Variants in MYH10 observed in about 807,000 individuals in gnomAD.
MYH10 encodes the protein myosin heavy chain 10, also known as myosin-10.
Under a neutral mutation model 257.8 loss-of-function variants are expected in MYH10, and 55 were observed. The ratio of observed to expected loss-of-function variants is 0.21; its 90% CI spans 0.17 to 0.27. The LOEUF (loss-of-function observed/expected upper bound fraction) is 0.27, where lower values mean the gene tolerates loss of function less well. Among genes scored for constraint, MYH10 ranks in the 10% least tolerant of loss-of-function variants. The pLI, the probability that MYH10 is intolerant of heterozygous loss-of-function variation, is 1.00. For synonymous variants in MYH10, 854 were observed against 921.7 expected (o/e 0.93, Z 1.33); for missense variants, 1,631 against 2,500.6 (o/e 0.65, Z 7.42).
intron 3 of MYH10, among the ~76,000 whole-genome samples, chr17:8,594,113 AG>A (rs1273585004): frequency 6.6e-6 from 1 of 152,232 alleles, no homozygotes; most frequent in Non-Finnish European, 1.5e-5. Context: ...ATAAGCAAAA[AG>A]ATGACTCGCA....
intron 2 of MYH10, among the ~76,000 whole-genome samples, chr17:8,611,617 T>G (rs1450483360): frequency 6.6e-6 from 1 of 151,932 alleles, no homozygotes; most frequent in Non-Finnish European, 1.5e-5. Context: ...TAACTACAAT[T>G]AAGAATTCAT....
At chr17:8,530,743 T>G (rs1021988748) in intron 16 of MYH10, 58 bp from the exon 17 acceptor site, 9 of 1,331,548 alleles carry the variant, frequency 6.8e-6, no homozygotes, top group Non-Finnish European at 9.4e-6. Flanking sequence ...ACACTTCAGT[T>G]AGTGTGAAAG....
At chr17:8,570,472 T>C (rs1374330458) in intron 6 of MYH10, among the ~76,000 whole-genome samples, 1 of 152,190 alleles carries the variant, frequency 6.6e-6, no homozygotes, top group East Asian at 1.9e-4. Context: ...AAGGTGGAAA[T>C]ATATTAATAC....
intron 41 of MYH10, 175 bp downstream of exon 41, chr17:8,478,163 C>T (rs1276416704): frequency 3.7e-5 from 23 of 617,222 alleles, no homozygotes; most frequent in South Asian, 1.7e-4. Context: ...CTGCTCTCCC[C>T]GCCCTCCTGT....
rs1414990243 is a variant in MYH10, at chr17:8,552,011, G to C, written c.919+35C>G. The C allele has an allele frequency of 1.7e-6, 2 of 1,177,880 alleles. No homozygotes were observed. Among genetic ancestry groups the C allele is most frequent in the Non-Finnish European group, 2.3e-6 (2 of 855,816 alleles). 73.0% of individuals were successfully genotyped at this position (1,177,880 alleles called of 1,614,324 possible). A position where few individuals can be genotyped will look rare whatever the true frequency, so the allele number is the denominator to read the frequency against. ...AAAAAAAATTAAAAGAGATATTCCAGTGAATATAAAATAGTAAAAACCTTT... is the reference window on the plus strand; with the variant it reads ...AAAAAAAATTAAAAGAGATATTCCACTGAATATAAAATAGTAAAAACCTTT... On this transcript the variant is annotated intron_variant, in intron 9 of 42. Transcript: ENST00000360416. This position sits in a 1 kb window ranked among gnomAD's most constrained non-coding sequence, Gnocchi z 4.8.
intron 14 of MYH10, among the ~76,000 whole-genome samples, chr17:8,537,916 T>C (rs1482615853): frequency 6.6e-6 from 1 of 152,190 alleles, no homozygotes; most frequent in Non-Finnish European, 1.5e-5. Context: ...ATATTGGTCA[T>C]AGGTTTTGTG....
intron 7 of MYH10, among the ~76,000 whole-genome samples, chr17:8,556,006 T>C (rs6503126): frequency 0.96 from 146,863 of 152,304 alleles, 71,043 homozygotes; most frequent in East Asian, 1. Context: ...ACAAAAGATA[T>C]GTGAATGGCC....
At chr17:8,476,612 C>T (rs937742556) in intron 42 of MYH10, among the ~76,000 whole-genome samples, 2 of 152,194 alleles carry the variant, frequency 1.3e-5, no homozygotes, top group Admixed American at 6.5e-5. Context: ...GATATCTGGA[C>T]AGGGATGGAT....
Position 8,520,889 on chromosome 17 carries a change from T to C in MYH10, c.2262A>G (p.Glu754=), listed in dbSNP as rs370357513. The C allele has an allele frequency of 6.2e-7, 1 of 1,610,484 alleles. No homozygotes were observed. Among genetic ancestry groups the C allele is most frequent in the Non-Finnish European group, 8.5e-7 (1 of 1,178,600 alleles). Residue 754 remains glutamate (E), a synonymous_variant, in exon 19 of 43, where the codon GAA becomes GAG. Transcript: ENST00000360416. ...QGFPNRIVFQ[E]FRQRYEILTP... Reference sequence around the variant, plus strand: ...AAAGTTAGCAATACCTCTGTCTGAATTCCTGGAAAACTATTCGGTTAGGGA... The same window carrying C: ...AAAGTTAGCAATACCTCTGTCTGAACTCCTGGAAAACTATTCGGTTAGGGA...
At chr17:8,528,927 C>G (rs2081936792) in intron 17 of MYH10, among the ~76,000 whole-genome samples, 1 of 152,178 alleles carries the variant, frequency 6.6e-6, no homozygotes, top group Non-Finnish European at 1.5e-5. Context: ...ATCCTTGGTA[C>G]TTGGTTCAGC....
chr17:8,611,081 T>C (rs1186575712), intron 2 of MYH10, among the ~76,000 whole-genome samples: 1 of 152,202 alleles, frequency 6.6e-6, no homozygotes, highest in African/African-American at 2.4e-5. Context: ...CACAAAAGTC[T>C]AAGAGAACAA....
chr17:8,475,998 T>A, intron 42 of MYH10, 50 bp from the exon 43 acceptor site: 1 of 1,574,778 alleles, frequency 6.4e-7, no homozygotes, highest in Non-Finnish European at 8.6e-7. Flanking sequence ...CAGGAGCACA[T>A]GGCTGTCAAT....
At position 8,478,341 on chromosome 17, in the gene MYH10, C is replaced by T. The variant is rs1913050931; in HGVS notation, c.5703G>A (p.Glu1901=). Reference sequence around the variant, plus strand: ...AGGGAGGCACTTCCTCGCGTACCTGCTCTTTATACTGGTCCGCGTGTCGAC... The same window carrying T: ...AGGGAGGCACTTCCTCGCGTACCTGTTCTTTATACTGGTCCGCGTGTCGAC... ...DERRHADQYK[E]QMEKANARMK... Residue 1901 remains glutamate, a synonymous_variant, in exon 41 of 43, where the codon GAG becomes GAA. Coordinates refer to ENST00000360416, the MANE Select transcript of MYH10 (RefSeq NM_001256012.3). 6.2e-7 allele frequency: 1 copy of T among 1,613,718 alleles called. No homozygotes were observed. Among genetic ancestry groups the T allele is most frequent in the Admixed American group, 1.7e-5 (1 of 60,018 alleles).
intron 4 of MYH10, among the ~76,000 whole-genome samples, chr17:8,587,098 A>C (rs4322730): frequency 0.97 from 147,054 of 152,214 alleles, 71,243 homozygotes; most frequent in East Asian, 1. Flanking sequence ...AAAGCCAGGG[A>C]TAGACTGCCA....
At position 8,552,953 on chromosome 17, in the gene MYH10, C is replaced by A. The variant is rs993492729; in HGVS notation, c.821-809G>T. On this transcript the variant is annotated intron_variant, in intron 8 of 42. Coordinates refer to ENST00000360416, the MANE Select transcript of MYH10 (RefSeq NM_001256012.3). This position sits in a 1 kb window ranked among gnomAD's most constrained non-coding sequence, Gnocchi z 4.8. ...TCAGATCCACAGTTCTTGATGCTCC[C>A]GGAGTTCCTATGGGTTGACAGTCAC... Among the ~76,000 whole-genome samples, 2 of 152,204 alleles carry A rather than the reference C, an allele frequency of 1.3e-5. No individual in the cohort carries two copies. The highest frequency in any genetic ancestry group is 1.3e-4 in the Admixed American group (2 of 15,272).
At chr17:8,590,081 T>C (rs569942653) in intron 3 of MYH10, among the ~76,000 whole-genome samples, 13 of 152,342 alleles carry the variant, frequency 8.5e-5, no homozygotes, top group Admixed American at 1.3e-4. Context: ...AGTAGCTTTT[T>C]TGCTGCTTGC....
At position 8,504,559 on chromosome 17, in the gene MYH10, T is replaced by TA; in HGVS notation, c.3599+134dup. On this transcript the variant is annotated intron_variant, in intron 28 of 42. Coordinates refer to ENST00000360416, the MANE Select transcript of MYH10 (RefSeq NM_001256012.3). The surrounding 1 kb of genome is among the most constrained non-coding windows in gnomAD (Gnocchi z 5.6). ...TGGTCTGTTTCTAACCATTACCATT[T>TA]AATCACCGTTCCACCTGCCATCACA... The TA allele has an allele frequency of 4.1e-6, 3 of 740,412 alleles. No homozygotes were observed. Among genetic ancestry groups the TA allele is most frequent in the Non-Finnish European group, 6.6e-6 (3 of 453,908 alleles). 45.9% of individuals were successfully genotyped at this position (740,412 alleles called of 1,614,324 possible).
At chr17:8,570,341 T>C (rs1326959323) in intron 6 of MYH10, among the ~76,000 whole-genome samples, 3 of 152,210 alleles carry the variant, frequency 2.0e-5, no homozygotes, top group Non-Finnish European at 2.9e-5. Flanking sequence ...GGTAAAGACG[T>C]TGATGCTGCT....
chr17:8,475,916 C>A lies in MYH10; in HGVS notation c.5912G>T (p.Arg1971Leu). The A allele has an allele frequency of 6.2e-7, 1 of 1,614,038 alleles. No homozygotes were observed. The highest frequency in any genetic ancestry group is 8.5e-7 in the Non-Finnish European group (1 of 1,180,022). The stretch of plus-strand genomic sequence containing the variant: ...AAGGTGCAGCTGGCGCCGGCCAGAT[C>A]GGCTGGAAGAGAAGCTGATGGGGCC... The part of the protein sequence containing the change: ...RGGPISFSSS[R>L]SGRRQLHLEG... The change falls in exon 43 of 43, where the codon CGA (arginine) becomes CTA (leucine). Residue 1971 changes from arginine (R) to leucine (L), a missense_variant. By Grantham distance (102) the Arg-to-Leu change is moderately radical. This residue lies in a region of MYH10 where 343 missense variants were observed against 389.5 expected (regional missense o/e 0.88). Transcript: ENST00000360416.
Sources: allele counts gnomAD v4.1 joint callset (sites outside exome capture counted in the v4.1 genomes callset), GRCh38; gene constraint gnomAD v4.1.1; regional missense constraint gnomAD v4.1.1; non-coding constraint Gnocchi (gnomAD v3.1); transcripts MANE v1.5; gene names NCBI Gene and HGNC (gene_info 2026-07-23, HGNC 2026-07-21).